CWH43: variants seen among roughly 807,000 people sequenced by gnomAD.
CWH43 encodes cell wall biogenesis 43 C-terminal homolog.
A neutral mutation model predicts 85.7 loss-of-function variants in CWH43; 91 were observed. The ratio of observed to expected loss-of-function variants is 1.06; its 90% CI spans 0.90 to 1.26. The LOEUF is 1.26. Ranked by LOEUF, CWH43 falls within the 50% of genes most tolerant of loss-of-function variation. CWH43 has a pLI of 0.00. For synonymous variants in CWH43, 323 were observed against 293.6 expected, an observed-to-expected ratio of 1.10 and a Z score of -1.02; for missense variants, 869 against 839.2, an observed-to-expected ratio of 1.04 and a Z score of -0.44.
At chr4:49,033,671 C>T (rs1784175307) in intron 12 of CWH43, among the ~76,000 whole-genome samples, 1 of 151,996 alleles carries the variant, frequency 6.6e-6, no homozygotes, top group Non-Finnish European at 1.5e-5. Context: ...GAGTTTTATC[C>T]CCAAAGAATA....
chr4:49,047,759 A>T (rs1298117139), intron 14 of CWH43, among the ~76,000 whole-genome samples: 1 of 152,076 alleles, frequency 6.6e-6, no homozygotes, highest in Non-Finnish European at 1.5e-5. Flanking sequence ...TCTTGTAAGG[A>T]TCTAGGGATC....
intron 9 of CWH43, among the ~76,000 whole-genome samples, chr4:49,027,457 AAT>A (rs1240030024): frequency 6.6e-6 from 1 of 152,196 alleles, no homozygotes; most frequent in Admixed American, 6.5e-5. Flanking sequence ...TGATAAATAT[AAT>A]ATGTCTCTTG....
chr4:49,041,087 T>G (rs1385713489), intron 13 of CWH43, among the ~76,000 whole-genome samples: 2 of 152,216 alleles, frequency 1.3e-5, no homozygotes, highest in Non-Finnish European at 2.9e-5. Flanking sequence ...GGCTCTGTTC[T>G]CTTCCATTGA....
chr4:49,006,736 C>A (rs1171287343), intron 7 of CWH43, among the ~76,000 whole-genome samples: 1 of 152,196 alleles, frequency 6.6e-6, no homozygotes, highest in Admixed American at 6.5e-5. Flanking sequence ...CTCTGTGAGG[C>A]CTCTGTGCCC....
chr4:48,987,078 T>A (rs1273082918), intron 1 of CWH43, among the ~76,000 whole-genome samples: 9 of 152,022 alleles, frequency 5.9e-5, no homozygotes, highest in African/African-American at 2.2e-4. Context: ...GCTGTGTGAG[T>A]AATAAAATCA....
intron 14 of CWH43, among the ~76,000 whole-genome samples, chr4:49,047,176 A>G (rs1342327397): frequency 6.6e-6 from 1 of 152,220 alleles, no homozygotes; most frequent in Non-Finnish European, 1.5e-5. Flanking sequence ...ATATAGAATC[A>G]TGGATTCAAC....
intron 9 of CWH43, among the ~76,000 whole-genome samples, chr4:49,023,032 C>T (rs780105041): frequency 2.0e-5 from 3 of 152,118 alleles, no homozygotes; most frequent in Non-Finnish European, 4.4e-5. Context: ...GTTTCAATAT[C>T]ATTTAATTCT....
chr4:48,998,799 T>A (rs570009991), intron 6 of CWH43, among the ~76,000 whole-genome samples: 1 of 152,274 alleles, frequency 6.6e-6, no homozygotes, highest in African/African-American at 2.4e-5. Context: ...TGGACTACAC[T>A]GCCATAATAC....
chr4:49,044,055 G>C (rs1677735271), intron 13 of CWH43, among the ~76,000 whole-genome samples: 1 of 152,118 alleles, frequency 6.6e-6, no homozygotes. Context: ...GTGGTGAAAA[G>C]TCAGGTATAT....
chr4:49,059,618 G>T (rs963165895), intron 15 of CWH43, among the ~76,000 whole-genome samples: 1 of 152,148 alleles, frequency 6.6e-6, no homozygotes, highest in African/African-American at 2.4e-5. Context: ...CCAGTTGGCT[G>T]GTCCAAAGAT....
chr4:49,001,134 T>G (rs1401214290), intron 6 of CWH43, among the ~76,000 whole-genome samples: 1 of 152,190 alleles, frequency 6.6e-6, no homozygotes, highest in African/African-American at 2.4e-5. Flanking sequence ...CTGAACAATT[T>G]CATACAAGCA....
At chr4:49,004,809 C>T (rs1379776485) in intron 7 of CWH43, among the ~76,000 whole-genome samples, 2 of 151,856 alleles carry the variant, frequency 1.3e-5, no homozygotes, top group Non-Finnish European at 2.9e-5. Context: ...ATTTGCATAC[C>T]AAAATTATAA....
intron 15 of CWH43, among the ~76,000 whole-genome samples, chr4:49,059,982 C>T (rs1343979142): frequency 6.6e-6 from 1 of 152,108 alleles, no homozygotes; most frequent in East Asian, 1.9e-4. Context: ...AAACTCAGTG[C>T]TGGGGTCTCC....
chr4:49,051,656 A>G (rs1784802138), intron 15 of CWH43, among the ~76,000 whole-genome samples: 1 of 152,094 alleles, frequency 6.6e-6, no homozygotes, highest in African/African-American at 2.4e-5. Context: ...AGCTCACTGC[A>G]ACCTCTGCCT....
chr4:49,018,244 C>G (rs1783623908), intron 9 of CWH43, among the ~76,000 whole-genome samples: 1 of 151,938 alleles, frequency 6.6e-6, no homozygotes, highest in Admixed American at 6.6e-5. Context: ...TATTAGAGAA[C>G]AGTACCGAGG....
chr4:49,054,307 A>T (rs566783038), intron 15 of CWH43, among the ~76,000 whole-genome samples: 3 of 152,302 alleles, frequency 2.0e-5, no homozygotes, highest in African/African-American at 4.8e-5. Flanking sequence ...GTCAAAGATC[A>T]ATTGACTGTA....
Position 49,044,788 on chromosome 4 carries a change from T to C in CWH43, c.1806T>C (p.Asp602=), listed in dbSNP as rs1356886138. The stretch of plus-strand genomic sequence containing the variant: ...TTCTCCTCTCTGCTCTTTATTAGGA[T>C]ATCGACAGCACTGATCATGACAGAT... The part of the protein sequence containing the change: ...LQLTEHGNVK[D]IDSTDHDRWC... The change falls in exon 14 of 16, where the codon GAT becomes GAC. Residue 602 remains aspartate (D), a splice_region_variant and synonymous_variant. Transcript: ENST00000226432. The C allele has an allele frequency of 9.9e-6, 16 of 1,612,144 alleles. No homozygotes were observed. The highest frequency in any genetic ancestry group is 1.3e-5 in the Non-Finnish European group (15 of 1,178,770).
chr4:49,003,614 C>A, intron 6 of CWH43, 121 bp from the exon 7 acceptor site: 2 of 925,172 alleles, frequency 2.2e-6, no homozygotes, highest in Non-Finnish European at 3.3e-6. Flanking sequence ...TTAGTTTTCT[C>A]ATCTGTCTGG....
chr4:49,050,859 T>A lies in CWH43; in HGVS notation c.2021+10T>A, dbSNP rs1334429519. Reference sequence around the variant, plus strand: ...TTCATTTTAATCCCAGGTGAGTTCCTTTATGCTGTAGTTCCAGTTATGAGC... The same window carrying A: ...TTCATTTTAATCCCAGGTGAGTTCCATTATGCTGTAGTTCCAGTTATGAGC... On this transcript the variant is annotated intron_variant, in intron 15 of 15. Transcript: ENST00000226432. 6.2e-7 allele frequency: 1 copy of A among 1,605,164 alleles called. No homozygotes were observed. Among genetic ancestry groups the A allele is most frequent in the African/African-American group, 1.3e-5 (1 of 74,676 alleles).
Sources: gnomAD v4.1 joint callset for allele counts (sites outside exome capture counted in the v4.1 genomes callset) on GRCh38, gnomAD v4.1.1 for gene constraint, MANE v1.5 for transcripts, NCBI Gene and HGNC (gene_info 2026-07-23, HGNC 2026-07-21) for gene names.